Variants in FGD4 observed in about 807,000 individuals in gnomAD.
FGD4 encodes FYVE, RhoGEF and PH domain containing 4.
In FGD4, 42 loss-of-function variants were observed where a neutral mutation model predicts 102.0. The ratio of observed to expected loss-of-function variants is 0.41; its 90% CI spans 0.32 to 0.53. FGD4 has a LOEUF of 0.53. Ranked by LOEUF, FGD4 falls within the 20% of genes least tolerant of loss-of-function variation. The probability of loss-of-function intolerance (pLI) is 0.21; values close to 1 mark genes in which losing one functional copy is unlikely to be tolerated. For missense variants in FGD4, 902 were observed against 1,078.2 expected, an observed-to-expected ratio of 0.84 and a Z score of 2.29; for synonymous variants, 380 against 375.7, an observed-to-expected ratio of 1.01 and a Z score of -0.13.
In FGD4 at chr12:32,435,544, CT is replaced by C. The variant is rs1020843857; in HGVS notation, c.166+35593del. 5.5e-5 allele frequency among the ~76,000 whole-genome samples: 8 copies of C among 144,852 alleles called. No homozygotes were observed. In the East Asian group the frequency reaches 6.2e-4, roughly 11 times the overall value. On this transcript the variant is annotated intron_variant, in intron 1 of 16. Coordinates refer to ENST00000534526, the MANE Select transcript of FGD4 (RefSeq NM_001370298.3). Reference sequence around the variant, plus strand: ...TTTAAATGACTAAGTTGGAATTGGCCTTTTTTTTGTGGTTTCCATCATTCGA... The same window carrying C: ...TTTAAATGACTAAGTTGGAATTGGCCTTTTTTTGTGGTTTCCATCATTCGA...
intron 1 of FGD4, among the ~76,000 whole-genome samples, chr12:32,416,473 G>A (rs183630319): frequency 1.8e-3 from 266 of 151,752 alleles, no homozygotes; most frequent in African/African-American, 6.0e-3. Context: ...CCAATGTTAC[G>A]CTTTAATTTC....
intron 1 of FGD4, among the ~76,000 whole-genome samples, chr12:32,452,325 C>T (rs1428973525): frequency 6.6e-6 from 1 of 152,206 alleles, no homozygotes; most frequent in East Asian, 1.9e-4. Context: ...GATATCATCT[C>T]TCAATCGTAA....
At chr12:32,611,779 C>T (rs918303091) in intron 10 of FGD4, among the ~76,000 whole-genome samples, 6 of 152,204 alleles carry the variant, frequency 3.9e-5, no homozygotes, top group Non-Finnish European at 2.9e-5. Flanking sequence ...GTATGGATGG[C>T]AGGCAGTAGT....
intron 10 of FGD4, among the ~76,000 whole-genome samples, chr12:32,619,139 C>CA (rs1369364963): frequency 6.6e-6 from 1 of 151,934 alleles, no homozygotes; most frequent in African/African-American, 2.4e-5. Context: ...TGCAGTAGTA[C>CA]AAAATTATTA....
chr12:32,589,306 C>T (rs1021030060), intron 4 of FGD4, among the ~76,000 whole-genome samples: 5 of 152,204 alleles, frequency 3.3e-5, no homozygotes, highest in East Asian at 3.8e-4. Flanking sequence ...ACCTCTCTTT[C>T]GGTTCTCCCA....
intron 1 of FGD4, among the ~76,000 whole-genome samples, chr12:32,431,484 G>A (rs553688328): frequency 2.0e-5 from 3 of 152,204 alleles, no homozygotes; most frequent in African/African-American, 4.8e-5. Flanking sequence ...CACTCAGTTC[G>A]TGCAAATGCT....
intron 1 of FGD4, among the ~76,000 whole-genome samples, chr12:32,521,342 C>G (rs1217357020): frequency 7.0e-6 from 1 of 142,774 alleles, no homozygotes; most frequent in Non-Finnish European, 1.5e-5. Flanking sequence ...CACCACTGCA[C>G]TCCAGCCTGG....
chr12:32,465,580 A>G (rs1260552308), intron 1 of FGD4, among the ~76,000 whole-genome samples: 1 of 152,070 alleles, frequency 6.6e-6, no homozygotes, highest in Non-Finnish European at 1.5e-5. Context: ...AGGCAGGAGA[A>G]TCGCTTGAAC....
At chr12:32,404,269 T>C (rs1414172958) in intron 1 of FGD4, among the ~76,000 whole-genome samples, 1 of 152,098 alleles carries the variant, frequency 6.6e-6, no homozygotes, top group Non-Finnish European at 1.5e-5. Flanking sequence ...TTTTTTTTTT[T>C]CTGGTACTCA....
intron 1 of FGD4, among the ~76,000 whole-genome samples, chr12:32,517,796 G>T (rs557811243): frequency 2.0e-5 from 3 of 152,212 alleles, no homozygotes; most frequent in South Asian, 2.1e-4. Context: ...TAAGGTGGGA[G>T]GATTGCTTGA....
chr12:32,522,988 A>G (rs10844227), intron 1 of FGD4, among the ~76,000 whole-genome samples: 37,625 of 152,208 alleles, frequency 0.25, 5,405 homozygotes, highest in Middle Eastern at 0.44. Flanking sequence ...ATAAAGTTCA[A>G]TCTTCCCTTC....
At chr12:32,503,929 C>T (rs1355464913) in intron 1 of FGD4, among the ~76,000 whole-genome samples, 4 of 147,870 alleles carry the variant, frequency 2.7e-5, no homozygotes, top group South Asian at 2.2e-4. Flanking sequence ...GTGTGGCATC[C>T]GTGTACTTGG....
rs61753359 is a variant in FGD4, at chr12:32,640,381, G to A, written c.2560G>A (p.Val854Met). 2,420 of 1,614,180 alleles carry A rather than the reference G, an allele frequency of 1.5e-3. 7 individuals carry two copies. In the Middle Eastern group the frequency reaches 0.02, roughly 14 times the overall value. ...TTTCAAACTGACCCAGTCTAAGTCC[G>A]TGCACAGCTTTGCTGCAGACAGTGA... ...HSFKLTQSKS[V>M]HSFAADSEEL... Residue 854 changes from valine (V) to methionine (M), a missense_variant, in exon 17 of 17, where the codon GTG (valine) becomes ATG (methionine). Physicochemically the swap from Val to Met is conservative, Grantham distance 21 (BLOSUM62 1). Around this residue, in one of 2 missense-constraint regions of FGD4, gnomAD observed 459 missense variants for 619.0 expected, o/e 0.74. Transcript: ENST00000534526.
intron 1 of FGD4, among the ~76,000 whole-genome samples, chr12:32,467,236 C>A (rs576846346): frequency 2.6e-4 from 39 of 152,106 alleles, no homozygotes; most frequent in African/African-American, 9.2e-4. Flanking sequence ...AAAAATAAAC[C>A]CTTTTTTCAT....
chr12:32,418,198 C>T (rs935382915), intron 1 of FGD4, among the ~76,000 whole-genome samples: 12 of 152,072 alleles, frequency 7.9e-5, no homozygotes, highest in African/African-American at 1.4e-4. Context: ...CCTCGTGATC[C>T]GCCCGCCTCT....
chr12:32,475,766 C>T (rs1167078849), intron 1 of FGD4, among the ~76,000 whole-genome samples: 2 of 152,298 alleles, frequency 1.3e-5, no homozygotes, highest in East Asian at 3.9e-4. Context: ...AGGATCTTAC[C>T]ACCACATCCT....
intron 11 of FGD4, among the ~76,000 whole-genome samples, chr12:32,622,465 C>T (rs1327450929): frequency 1.3e-5 from 2 of 152,184 alleles, no homozygotes; most frequent in Non-Finnish European, 2.9e-5. Flanking sequence ...GGATACCTCC[C>T]AATTCTTGTT....
intron 5 of FGD4, among the ~76,000 whole-genome samples, chr12:32,599,385 T>G (rs1373324507): frequency 7.2e-6 from 1 of 138,390 alleles, no homozygotes. Flanking sequence ...TCCCAGCTAC[T>G]CGGGAGGCTG....
chr12:32,567,426 T>C (rs762333468), intron 2 of FGD4, among the ~76,000 whole-genome samples: 7 of 152,018 alleles, frequency 4.6e-5, no homozygotes, highest in African/African-American at 1.7e-4. Context: ...CCCCCGACAA[T>C]AGGACATTGG....
Sources: gnomAD v4.1 joint callset for allele counts (sites outside exome capture counted in the v4.1 genomes callset) on GRCh38, gnomAD v4.1.1 for gene constraint, gnomAD v4.1.1 regional missense constraint, MANE v1.5 for transcripts, NCBI Gene and HGNC (gene_info 2026-07-23, HGNC 2026-07-21) for gene names.